Variants in MMP27 observed in about 807,000 individuals in gnomAD.
MMP27 encodes the protein matrix metalloproteinase-27.
Under a neutral mutation model 48.1 loss-of-function variants are expected in MMP27, and 51 were observed. The ratio of observed to expected loss-of-function variants is 1.06; its 90% confidence interval spans 0.85 to 1.34. MMP27 has a LOEUF of 1.34. Ranked by LOEUF, MMP27 falls within the 40% of genes most tolerant of loss-of-function variation. MMP27 has a pLI of 0.00. For missense variants in MMP27, 698 were observed against 619.3 expected, an observed-to-expected ratio of 1.13 and a Z score of -1.35; for synonymous variants, 229 against 208.9, an observed-to-expected ratio of 1.10 and a Z score of -0.83.
Position 102,704,718 on chromosome 11 carries a change from T to A in MMP27, c.160A>T (p.Lys54Ter). The change falls in exon 2 of 10, where the codon AAG (lysine) becomes TAG (stop). Residue 54 changes from lysine to a stop codon, truncating the protein, a stop_gained. Transcript: ENST00000260229. LOFTEE classifies it high-confidence loss of function. ...TTGTCATCTATGAGACTCCTATTCT[T>A]GCTTTGAACAAGATGATTCCCTTCT... Reference protein sequence around the residue: ...EIEGNHLVQSKNRSLIDDKIR... With the variant: ...EIEGNHLVQS The A allele has an allele frequency of 6.2e-7, 1 of 1,613,938 alleles. No homozygotes were observed.
At position 102,692,998 on chromosome 11, in the gene MMP27, T is replaced by C. The variant is rs767642660; in HGVS notation, c.1237A>G (p.Arg413Gly). ...ATTCCAGGAAAGTGTTTTACCACTC[T>C]CTGCGGGAACCCTTTGTCCATGGTT... ...TQTMDKGFPQ[R>G]VVKHFPGISI... Residue 413 changes from arginine (R) to glycine (G), a missense_variant, in exon 9 of 10, where the codon AGA (arginine) becomes GGA (glycine). Transcript: ENST00000260229. 1 of 1,613,776 alleles carries C rather than the reference T, an allele frequency of 6.2e-7. No individual in the cohort carries two copies. Among genetic ancestry groups the C allele is most frequent in the Non-Finnish European group, 8.5e-7 (1 of 1,179,860 alleles).
chr11:102,692,311 G>A (rs1385271747), intron 9 of MMP27, among the ~76,000 whole-genome samples: 2 of 152,134 alleles, frequency 1.3e-5, no homozygotes, highest in African/African-American at 4.8e-5. Flanking sequence ...TGAGGGGGAG[G>A]AAAAGGCCCC....
In MMP27 at chr11:102,695,030, A is replaced by G. The variant is rs1279631741; in HGVS notation, c.970T>C (p.Ser324Pro). ...GCAGCTTGCAGATCAGCTGGCAGAG[A>G]TGGCCAGAATGAAGCAATTAATTCA... Reference protein sequence around the residue: ...EFELIASFWPSLPADLQAAYE... With the variant: ...EFELIASFWPPLPADLQAAYE... Residue 324 changes from serine to proline, a missense_variant, in exon 7 of 10, where the codon TCT becomes CCT. Ser to Pro is a moderately conservative substitution (Grantham distance 74). Coordinates refer to ENST00000260229, the MANE Select transcript of MMP27 (RefSeq NM_022122.3). 1 of 1,614,036 alleles carries G rather than the reference A, an allele frequency of 6.2e-7. No individual in the cohort carries two copies. The highest frequency in any genetic ancestry group is 2.2e-5 in the East Asian group (1 of 44,850).
At chr11:102,693,600 T>G (rs962222447) in intron 8 of MMP27, among the ~76,000 whole-genome samples, 1 of 151,992 alleles carries the variant, frequency 6.6e-6, no homozygotes, top group Admixed American at 6.6e-5. Flanking sequence ...CTGAGAATCA[T>G]GGTGAAACTC....
chr11:102,704,428 C>T (rs1861005606), intron 2 of MMP27, 109 bp downstream of exon 2: 2 of 834,212 alleles, frequency 2.4e-6, no homozygotes, highest in Non-Finnish European at 2.0e-6. Context: ...CTAAGATGTG[C>T]TGTGCACACA....
At chr11:102,704,481 G>A in intron 2 of MMP27, 56 bp downstream of exon 2, 27 of 1,334,722 alleles carry the variant, frequency 2.0e-5, no homozygotes, top group Non-Finnish European at 2.8e-5. Context: ...CTGTTCCTTG[G>A]AAATTATCTT....
Position 102,696,413 on chromosome 11 carries a change from G to A in MMP27, c.860C>T (p.Ala287Val). 1 of 1,613,874 alleles carries A rather than the reference G, an allele frequency of 6.2e-7. No individual in the cohort carries two copies. Among genetic ancestry groups the A allele is most frequent in the Non-Finnish European group, 8.5e-7 (1 of 1,179,854 alleles). ...TACTTCTCTGCGGAAAGTTGTGATA[G>A]CGTCAAAAGTCAAGTCAGGGTCACA... Reference protein sequence around the residue: ...HACDPDLTFDAITTFRREVMF... With the variant: ...HACDPDLTFDVITTFRREVMF... The change falls in exon 6 of 10, where the codon GCT (alanine) becomes GTT (valine). Residue 287 changes from alanine (A) to valine (V), a missense_variant. By Grantham distance (64) the Ala-to-Val change is moderately conservative. Transcript: ENST00000260229.
chr11:102,697,354 G>A (rs1860850350), intron 4 of MMP27, among the ~76,000 whole-genome samples: 1 of 152,200 alleles, frequency 6.6e-6, no homozygotes, highest in African/African-American at 2.4e-5. Flanking sequence ...GTTGCTCTGG[G>A]TGAGTCAGTG....
In MMP27 at chr11:102,704,611, G is replaced by A; in HGVS notation, c.267C>T (p.Pro89=). ...DSNTLEIMKT[P]RCGVPDVGQY... ...GGCCCACATCAGGCACCCCACACCTGGGTGTCTTCATGATCTCAAGGGTGT... is the reference window on the plus strand; with the variant it reads ...GGCCCACATCAGGCACCCCACACCTAGGTGTCTTCATGATCTCAAGGGTGT... The change falls in exon 2 of 10, where the codon CCC becomes CCT. Residue 89 remains proline, a synonymous_variant. Coordinates refer to ENST00000260229, the MANE Select transcript of MMP27 (RefSeq NM_022122.3). The A allele has an allele frequency of 6.2e-7, 1 of 1,614,144 alleles. No individual in the cohort carries two copies. Among genetic ancestry groups the A allele is most frequent in the African/African-American group, 1.3e-5 (1 of 75,046 alleles).
chr11:102,696,303 T>TTATCCTCAAATC, intron 6 of MMP27, 68 bp downstream of exon 6: 1 of 1,564,200 alleles, frequency 6.4e-7, no homozygotes, highest in Non-Finnish European at 8.8e-7. Flanking sequence ...GACTACCTCT[T>TTATCCTCAAATC]TATCCTCAAA....
At position 102,702,829 on chromosome 11, in the gene MMP27, A is replaced by G. The variant is rs375103822; in HGVS notation, c.543T>C (p.His181=). 6 of 1,614,100 alleles carry G rather than the reference A, an allele frequency of 3.7e-6. No homozygotes were observed. Among genetic ancestry groups the G allele is most frequent in the Non-Finnish European group, 5.1e-6 (6 of 1,179,978 alleles). The part of the protein sequence containing the change: ...YFDGPLGVLG[H]AFPPGPGLGG... The stretch of plus-strand genomic sequence containing the variant: ...CCAGACCCGGACCAGGAGGAAAGGC[A>G]TGGCCAAGCACTCCCAAGGGACCAT... The change falls in exon 4 of 10, where the codon CAT becomes CAC. Residue 181 remains histidine (H), a synonymous_variant. Transcript: ENST00000260229.
intron 4 of MMP27, among the ~76,000 whole-genome samples, chr11:102,698,310 G>C (rs1860871248): frequency 1.3e-5 from 2 of 152,054 alleles, no homozygotes; most frequent in Non-Finnish European, 2.9e-5. Context: ...GAAATTTTCA[G>C]CTCCATCATA....
intron 6 of MMP27, among the ~76,000 whole-genome samples, chr11:102,696,113 A>G (rs1018387834): frequency 6.6e-6 from 1 of 152,252 alleles, no homozygotes; most frequent in African/African-American, 2.4e-5. Context: ...TCTTCTGGCC[A>G]AAAAGTCACT....
At chr11:102,695,147 T>C (rs1860801443) in intron 6 of MMP27, 50 bp from the exon 7 acceptor site, 5 of 1,583,668 alleles carry the variant, frequency 3.2e-6, no homozygotes, top group Non-Finnish European at 4.3e-6. Flanking sequence ...TCCATGTCAA[T>C]GAGAATTTTG....
intron 5 of MMP27, 50 bp downstream of exon 5, chr11:102,696,623 GA>G: frequency 6.4e-7 from 1 of 1,570,074 alleles, no homozygotes; most frequent in South Asian, 1.2e-5. Context: ...CTTCCTTTCT[GA>G]AAAGCTTCCT....
chr11:102,698,926 G>T (rs1048448154), intron 4 of MMP27, among the ~76,000 whole-genome samples: 1 of 152,150 alleles, frequency 6.6e-6, no homozygotes, highest in African/African-American at 2.4e-5. Flanking sequence ...TAGCCCGTAA[G>T]GACTGCATTG....
At chr11:102,697,864 G>T (rs2134268089) in intron 4 of MMP27, among the ~76,000 whole-genome samples, 1 of 152,206 alleles carries the variant, frequency 6.6e-6, no homozygotes, top group Non-Finnish European at 1.5e-5. Context: ...ACACAAACTT[G>T]TTGTACAGCT....
rs1860722825 is a variant in MMP27 at position 102,691,501 on chromosome 11, T to C, written c.*265A>G. 3.4e-6 allele frequency: 1 copy of C among 294,828 alleles called. No homozygotes were observed. Among genetic ancestry groups the C allele is most frequent in the South Asian group, 5.4e-5 (1 of 18,614 alleles). The allele number at this position is 294,828 out of a possible 1,614,324, so 18.3% of individuals were successfully genotyped here. A position where few individuals can be genotyped will look rare whatever the true frequency, so the allele number is the denominator to read the frequency against. On this transcript the variant is annotated 3_prime_UTR_variant, in exon 10 of 10. Transcript: ENST00000260229. ...TCCAGACAAAATAGAATGCTAAAGA[T>C]TGGTTTAATAAATGTTTCAGTATTC...
intron 6 of MMP27, 65 bp downstream of exon 6, chr11:102,696,305 AT>A: frequency 6.4e-7 from 1 of 1,565,878 alleles, no homozygotes; most frequent in Non-Finnish European, 8.8e-7. Context: ...CTACCTCTTT[AT>A]CCTCAAATCT....
Sources: allele counts gnomAD v4.1 joint callset (sites outside exome capture counted in the v4.1 genomes callset), GRCh38; gene constraint gnomAD v4.1.1; transcripts MANE v1.5; gene names NCBI Gene and HGNC (gene_info 2026-07-23, HGNC 2026-07-21).